Variants in TRAF3IP1 observed in about 807,000 individuals in gnomAD.
TRAF3IP1 encodes intraflagellar transport 54.
In TRAF3IP1, 53 loss-of-function variants were observed where a neutral mutation model predicts 89.9. The ratio of observed to expected loss-of-function variants is 0.59; its 90% CI spans 0.47 to 0.74. The LOEUF (loss-of-function observed/expected upper bound fraction) is 0.74. TRAF3IP1 is among the 30% of genes least tolerant of loss of function. The probability of loss-of-function intolerance (pLI) is 0.00; values close to 1 mark genes in which losing one functional copy is unlikely to be tolerated. For synonymous variants in TRAF3IP1, 311 were observed against 322.1 expected (o/e 0.97, Z 0.37); for missense variants, 806 against 866.1 (o/e 0.93, Z 0.87).
intron 15 of TRAF3IP1, among the ~76,000 whole-genome samples, chr2:238,388,758 C>G (rs1192764735): frequency 6.6e-6 from 1 of 151,838 alleles, no homozygotes; most frequent in Non-Finnish European, 1.5e-5. Context: ...CTTCCCACCT[C>G]AGCCTCCTAG....
In TRAF3IP1 at chr2:238,349,368, G is replaced by C. The variant is rs751121033; in HGVS notation, c.1411G>C (p.Val471Leu). ...GAGTGCAAGACCAGCCCCTCCCCGGGTCAAACGGCAAGACAGCATGGAGGC... is the reference window on the plus strand; with the variant it reads ...GAGTGCAAGACCAGCCCCTCCCCGGCTCAAACGGCAAGACAGCATGGAGGC... ...PGSARPAPPRVKRQDSMEALQ... is the reference protein window; with the variant it reads ...PGSARPAPPRLKRQDSMEALQ... Residue 471 changes from valine (V) to leucine (L), a missense_variant, in exon 12 of 17, where the codon GTC becomes CTC. Around this residue, in one of 3 missense-constraint regions of TRAF3IP1, gnomAD observed 732 missense variants for 780.5 expected, o/e 0.94. Transcript: ENST00000373327. The C allele has an allele frequency of 1.9e-6, 3 of 1,614,150 alleles. No individual in the cohort carries two copies. In the South Asian group the frequency reaches 3.3e-5, roughly 18 times the overall value.
intron 15 of TRAF3IP1, among the ~76,000 whole-genome samples, chr2:238,380,639 G>T (rs1700507637): frequency 6.6e-6 from 1 of 152,096 alleles, no homozygotes; most frequent in African/African-American, 2.4e-5. Context: ...CTCTTCCTGA[G>T]CTCAGCCTCA....
intron 15 of TRAF3IP1, among the ~76,000 whole-genome samples, chr2:238,372,531 T>C (rs1004086559): frequency 6.6e-6 from 1 of 152,244 alleles, no homozygotes; most frequent in Admixed American, 6.5e-5. Context: ...CAGTCTATCA[T>C]TGATGGACAT....
At chr2:238,381,415 G>A (rs1454471931) in intron 15 of TRAF3IP1, among the ~76,000 whole-genome samples, 1 of 152,176 alleles carries the variant, frequency 6.6e-6, no homozygotes, top group Non-Finnish European at 1.5e-5. Context: ...TGGCGGGTGG[G>A]GTGCTCTTTG....
chr2:238,326,479 G>T (rs1157864733), intron 3 of TRAF3IP1, among the ~76,000 whole-genome samples: 2 of 151,928 alleles, frequency 1.3e-5, no homozygotes, highest in African/African-American at 4.8e-5. Context: ...CTCTCTCTCG[G>T]TTGCTGTTTC....
At chr2:238,352,736 A>C (rs1181993735) in intron 12 of TRAF3IP1, 91 bp from the exon 13 acceptor site, 2 of 1,294,314 alleles carry the variant, frequency 1.5e-6, no homozygotes, top group African/African-American at 3.0e-5. Context: ...TGGTGATTAG[A>C]TTCCTCTCTG....
intron 15 of TRAF3IP1, among the ~76,000 whole-genome samples, chr2:238,372,322 G>A (rs1213014977): frequency 1.3e-5 from 2 of 151,776 alleles, no homozygotes; most frequent in South Asian, 2.1e-4. Context: ...GATGTTCCCT[G>A]CCCTGTGTCC....
Position 238,320,686 on chromosome 2 carries a change from G to T in TRAF3IP1, c.24G>T (p.Arg8=). The T allele has an allele frequency of 7.1e-7, 1 of 1,417,058 alleles. No homozygotes were observed. The highest frequency in any genetic ancestry group is 9.3e-7 in the Non-Finnish European group (1 of 1,070,974). 87.8% of individuals were successfully genotyped at this position (1,417,058 alleles called of 1,614,324 possible). A position where few individuals can be genotyped will look rare whatever the true frequency, so the allele number is the denominator to read the frequency against. MNAAVVR[R]TQEALGKVIR... ...TCATGAACGCGGCGGTGGTGAGGCG[G>T]ACGCAGGAGGCGCTGGGGAAAGTGA... The change falls in exon 1 of 17, where the codon CGG becomes CGT. Residue 8 remains arginine, a synonymous_variant. Transcript: ENST00000373327.
intron 15 of TRAF3IP1, among the ~76,000 whole-genome samples, chr2:238,358,003 A>T (rs189753071): frequency 3.9e-5 from 6 of 152,216 alleles, no homozygotes; most frequent in Admixed American, 3.3e-4. Context: ...GGGTTGATGT[A>T]TGTTACAGTT....
chr2:238,399,926 T>G lies in TRAF3IP1; in HGVS notation c.*1007T>G, dbSNP rs1219778264. ...AGTTTTTCACTTACATATACTATTG[T>G]AAATACTTAGCAGAGTCTTAAGTTA... On this transcript the variant is annotated 3_prime_UTR_variant, in exon 17 of 17. Transcript: ENST00000373327. 6.6e-6 allele frequency: 1 copy of G among 152,222 alleles called. No homozygotes were observed. Among genetic ancestry groups the G allele is most frequent in the East Asian group, 1.9e-4 (1 of 5,208 alleles). 9.4% of individuals were successfully genotyped at this position (152,222 alleles called of 1,614,324 possible). A position where few individuals can be genotyped will look rare whatever the true frequency, so the allele number is the denominator to read the frequency against.
intron 15 of TRAF3IP1, among the ~76,000 whole-genome samples, chr2:238,395,452 C>T (rs1001140696): frequency 6.6e-6 from 1 of 152,048 alleles, no homozygotes; most frequent in Non-Finnish European, 1.5e-5. Flanking sequence ...TAGGCAATAC[C>T]ATTCAGGACA....
rs1697812593 is a variant in TRAF3IP1 at position 238,325,984 on chromosome 2, C to T, written c.354+14C>T. The T allele has an allele frequency of 6.2e-6, 10 of 1,602,678 alleles. No homozygotes were observed. Among genetic ancestry groups the T allele is most frequent in the Non-Finnish European group, 8.5e-6 (10 of 1,174,654 alleles). On this transcript the variant is annotated intron_variant, in intron 3 of 16. Coordinates refer to ENST00000373327, the MANE Select transcript of TRAF3IP1 (RefSeq NM_015650.4). ...TGTCTCAACAAGGTACTACTGCTGT[C>T]CTGGCATTTTGAACTTACTTAGTAC...
rs968070455 is a variant in TRAF3IP1, at chr2:238,385,501, A to G, written c.1690-11958A>G. Among the ~76,000 whole-genome samples the G allele has an allele frequency of 3.3e-5, 5 of 152,228 alleles. 1 individual carries two copies. The highest frequency in any genetic ancestry group is 1.2e-4 in the African/African-American group (5 of 41,452). On this transcript the variant is annotated intron_variant, in intron 15 of 16. Transcript: ENST00000373327. ...GAAAACTACTTCTTTTTCATGAGAG[A>G]GAGAAAACACCTGTGTCAACAGTCA...
intron 7 of TRAF3IP1, among the ~76,000 whole-genome samples, chr2:238,338,002 A>G (rs1169684565): frequency 6.6e-6 from 1 of 152,164 alleles, no homozygotes; most frequent in Non-Finnish European, 1.5e-5. Context: ...TAATTAGTCC[A>G]GGGGCGTGTG....
rs542565909 is a variant in TRAF3IP1, at chr2:238,397,419, G to T, written c.1690-40G>T. ...ACCGGCCCTGTTCTGCCTTTGGACT[G>T]AGGAGGCGTGTTCCTCTTCCTATGT... On this transcript the variant is annotated intron_variant, in intron 15 of 16. Transcript: ENST00000373327. 1.8e-5 allele frequency: 29 copies of T among 1,591,900 alleles called. 1 individual carries two copies. In the South Asian group the frequency reaches 3.1e-4, roughly 17 times the overall value.
At chr2:238,349,277 T>C in intron 11 of TRAF3IP1, 48 bp from the exon 12 acceptor site, 2 of 1,553,084 alleles carry the variant, frequency 1.3e-6, no homozygotes, top group Non-Finnish European at 1.8e-6. Flanking sequence ...GTTTGAAATG[T>C]ATAAGCCTTT....
intron 15 of TRAF3IP1, among the ~76,000 whole-genome samples, chr2:238,370,873 C>T (rs972169560): frequency 2.0e-5 from 3 of 152,268 alleles, no homozygotes; most frequent in East Asian, 1.9e-4. Context: ...AGGTGAAAAA[C>T]GAAGCTATGT....
At chr2:238,339,777 T>A (rs1574910455) in intron 8 of TRAF3IP1, among the ~76,000 whole-genome samples, 3 of 152,398 alleles carry the variant, frequency 2.0e-5, no homozygotes, top group Admixed American at 2.0e-4. Context: ...GGATCACCTC[T>A]GCTGAGCTGC....
chr2:238,345,030 A>C lies in TRAF3IP1; in HGVS notation c.1261+432A>C, dbSNP rs1284979644. ...TCAGTGGGATTTTACTTTCACCATA[A>C]ATTTTCTCAGCCTTTAAAAAAACTT... On this transcript the variant is annotated intron_variant, in intron 9 of 16. Coordinates refer to ENST00000373327, the MANE Select transcript of TRAF3IP1 (RefSeq NM_015650.4). This position sits in a 1 kb window ranked among gnomAD's most constrained non-coding sequence, Gnocchi z 4.7. 6.6e-6 allele frequency among the ~76,000 whole-genome samples: 1 copy of C among 152,012 alleles called. No individual in the cohort carries two copies. The highest frequency in any genetic ancestry group is 6.5e-5 in the Admixed American group (1 of 15,276).
Sources: allele counts gnomAD v4.1 joint callset (sites outside exome capture counted in the v4.1 genomes callset), GRCh38; gene constraint gnomAD v4.1.1; regional missense constraint gnomAD v4.1.1; non-coding constraint Gnocchi (gnomAD v3.1); transcripts MANE v1.5; gene names NCBI Gene and HGNC (gene_info 2026-07-23, HGNC 2026-07-21).